The following LAMA4 variants were observed in gnomAD, a reference collection of about 807,000 sequenced individuals.
The protein encoded by LAMA4 is laminin subunit alpha 4, also known as laminin subunit alpha-4.
A neutral mutation model predicts 207.1 loss-of-function variants in LAMA4; 127 were observed. The observed-to-expected ratio is 0.61, with a 90% CI of 0.53 to 0.71. The LOEUF is 0.71. Ranked by LOEUF, LAMA4 falls within the 30% of genes least tolerant of loss-of-function variation. LAMA4 has a pLI of 0.00. For missense variants in LAMA4, 2,093 were observed against 2,246.5 expected, an observed-to-expected ratio of 0.93 and a Z score of 1.38; for synonymous variants, 761 against 816.0, an observed-to-expected ratio of 0.93 and a Z score of 1.15.
rs541473875 is a variant in LAMA4 at position 112,166,921 on chromosome 6, A to G, written c.1552-1645T>C. Among the ~76,000 whole-genome samples, 12 of 152,316 alleles carry G rather than the reference A, an allele frequency of 7.9e-5. No individual in the cohort carries two copies. The South Asian group carries it at 2.5e-3, about 32-fold the overall frequency. On this transcript the variant is annotated intron_variant, in intron 12 of 38. Coordinates refer to ENST00000230538, the MANE Select transcript of LAMA4 (RefSeq NM_001105206.3). Reference sequence around the variant, plus strand: ...AACAACAGCAACAGCAACAGCAACAAAAACAACAAAAAACAGTCCTGGGAA... The same window carrying G: ...AACAACAGCAACAGCAACAGCAACAGAAACAACAAAAAACAGTCCTGGGAA...
At chr6:112,221,548 T>C (rs1784925323) in intron 2 of LAMA4, among the ~76,000 whole-genome samples, 1 of 152,224 alleles carries the variant, frequency 6.6e-6, no homozygotes, top group Admixed American at 6.5e-5. Flanking sequence ...CATTACATTA[T>C]CTTTCTGCTT....
rs781860885 is a variant in LAMA4 at position 112,118,957 on chromosome 6, A to G, written c.4821+199T>C. On this transcript the variant is annotated intron_variant, in intron 34 of 38. Transcript: ENST00000230538. This position sits in a 1 kb window ranked among gnomAD's most constrained non-coding sequence, Gnocchi z 4.6. ...CATTTGACATCTACCTTAGAATTGA[A>G]AGATTACTTCTGACTTTGTAATGCC... is the stretch of plus-strand genomic sequence containing the variant. 1.4e-4 allele frequency among the ~76,000 whole-genome samples: 22 copies of G among 152,312 alleles called. No homozygotes were observed. Among genetic ancestry groups the G allele is most frequent in the African/African-American group, 5.1e-4 (21 of 41,564 alleles).
chr6:112,230,614 A>G (rs980082531), intron 2 of LAMA4, among the ~76,000 whole-genome samples: 5 of 152,190 alleles, frequency 3.3e-5, no homozygotes, highest in Admixed American at 2.6e-4. Context: ...TGTCTGTACC[A>G]GGGTTATTTG....
chr6:112,129,368 T>C (rs960980054), intron 30 of LAMA4, among the ~76,000 whole-genome samples: 8 of 152,180 alleles, frequency 5.3e-5, no homozygotes, highest in Non-Finnish European at 7.3e-5. Context: ...TCTTAATCTA[T>C]ATTAAATTCC....
intron 5 of LAMA4, among the ~76,000 whole-genome samples, chr6:112,198,444 C>T (rs886349412): frequency 4.6e-5 from 7 of 152,072 alleles, no homozygotes; most frequent in African/African-American, 1.7e-4. Flanking sequence ...ACAGATTAGG[C>T]GAAGGTTAAC....
intron 2 of LAMA4, among the ~76,000 whole-genome samples, chr6:112,252,366 G>C: frequency 6.6e-6 from 1 of 152,080 alleles, no homozygotes; most frequent in East Asian, 1.9e-4. Flanking sequence ...AAATTTCCTA[G>C]GGTCTTAGCA....
chr6:112,126,554 A>G (rs1055983956), intron 31 of LAMA4, among the ~76,000 whole-genome samples: 9 of 152,260 alleles, frequency 5.9e-5, no homozygotes, highest in Non-Finnish European at 1.2e-4. Flanking sequence ...TAAAGCAGTC[A>G]TGTATGAACA....
intron 12 of LAMA4, among the ~76,000 whole-genome samples, chr6:112,170,379 C>G (rs144803541): frequency 6.6e-6 from 1 of 152,276 alleles, no homozygotes; most frequent in East Asian, 1.9e-4. Context: ...GAACATAGTT[C>G]TGGGTCTTCA....
At chr6:112,126,660 A>G (rs1452743998) in intron 31 of LAMA4, among the ~76,000 whole-genome samples, 2 of 152,220 alleles carry the variant, frequency 1.3e-5, no homozygotes, top group African/African-American at 4.8e-5. Context: ...AACCATCAGA[A>G]TGGAGAAGGT....
intron 2 of LAMA4, chr6:112,234,538 A>G (rs1397846179): frequency 1.3e-5 from 2 of 152,078 alleles, no homozygotes; most frequent in African/African-American, 4.8e-5. Context: ...CTTTGAGGAG[A>G]AAGCGCATTT....
At position 112,183,621 on chromosome 6, in the gene LAMA4, A is replaced by C. The variant is rs1316247825; in HGVS notation, c.1077+1616T>G. ...GGGAGGAGCTAATCTTGGTGAAAACATTTCCTCAGATGTTTTCTTGAAAAT... is the reference window on the plus strand; with the variant it reads ...GGGAGGAGCTAATCTTGGTGAAAACCTTTCCTCAGATGTTTTCTTGAAAAT... On this transcript the variant is annotated intron_variant, in intron 9 of 38. Transcript: ENST00000230538. Among the ~76,000 whole-genome samples, 3 of 152,112 alleles carry C rather than the reference A, an allele frequency of 2.0e-5. No homozygotes were observed. In the East Asian group the frequency reaches 5.8e-4, roughly 29 times the overall value.
intron 6 of LAMA4, among the ~76,000 whole-genome samples, chr6:112,190,943 CTTTCCTTTCTTTCTTTCT>C (rs1783053689): frequency 2.4e-5 from 1 of 42,400 alleles, no homozygotes; most frequent in Non-Finnish European, 4.6e-5. Context: ...TTCTTTCTTT[CTTTCCTTTCTTTCTTTCT>C]TTCTTTCTTT....
chr6:112,223,970 C>CTCA (rs1189135560), intron 2 of LAMA4, among the ~76,000 whole-genome samples: 13 of 152,306 alleles, frequency 8.5e-5, no homozygotes, highest in African/African-American at 2.9e-4. Flanking sequence ...TTTGTCTTGA[C>CTCA]TCATCCTTGT....
At chr6:112,151,127 C>A (rs1583726734) in intron 16 of LAMA4, among the ~76,000 whole-genome samples, 1 of 151,876 alleles carries the variant, frequency 6.6e-6, no homozygotes, top group African/African-American at 2.4e-5. Flanking sequence ...GCATCCAAGT[C>A]AAGAAAATAG....
intron 12 of LAMA4, 135 bp from the exon 13 acceptor site, chr6:112,165,411 T>G (rs1781329347): frequency 2.7e-6 from 2 of 727,370 alleles, no homozygotes; most frequent in African/African-American, 3.4e-5. Context: ...ATCCTTGCTG[T>G]GTGCCTTTGG....
At chr6:112,208,154 C>T (rs148298210) in intron 3 of LAMA4, among the ~76,000 whole-genome samples, 10 of 151,196 alleles carry the variant, frequency 6.6e-5, no homozygotes, top group African/African-American at 2.2e-4. Flanking sequence ...ATTGGGGTTG[C>T]AGTGAAAAAT....
chr6:112,231,460 T>C (rs1785556616), intron 2 of LAMA4, among the ~76,000 whole-genome samples: 1 of 152,250 alleles, frequency 6.6e-6, no homozygotes, highest in Admixed American at 6.5e-5. Context: ...CAATAATTTA[T>C]AACTGATGTT....
intron 12 of LAMA4, chr6:112,172,024 CATGCATTGCTTGAA>C (rs1781747816): frequency 6.5e-6 from 1 of 154,694 alleles, no homozygotes; most frequent in Non-Finnish European, 1.4e-5. Context: ...GCTGTGAATA[CATGCATTGCTTGAA>C]GCGGACACAT....
chr6:112,155,358 C>A, intron 15 of LAMA4: 2 of 607,180 alleles, frequency 3.3e-6, no homozygotes, highest in Non-Finnish European at 5.8e-6. Flanking sequence ...AAGGAACTGG[C>A]ATTTGCTGAC....
Sources: gnomAD v4.1 joint callset for allele counts (sites outside exome capture counted in the v4.1 genomes callset) on GRCh38, gnomAD v4.1.1 for gene constraint, Gnocchi (gnomAD v3.1) non-coding constraint, MANE v1.5 for transcripts, NCBI Gene and HGNC (gene_info 2026-07-23, HGNC 2026-07-21) for gene names.